The following PARP9 variants were observed in gnomAD, a reference collection of about 807,000 sequenced individuals.
PARP9 encodes protein mono-ADP-ribosyltransferase PARP9.
In PARP9, 48 loss-of-function variants were observed where a neutral mutation model predicts 68.8. That is an observed-to-expected ratio of 0.70 (90% CI 0.55 to 0.89). The LOEUF (loss-of-function observed/expected upper bound fraction) is 0.89. PARP9 is among the 40% of genes least tolerant of loss of function. The probability of loss-of-function intolerance (pLI) is 0.00; values close to 1 mark genes in which losing one functional copy is unlikely to be tolerated. For synonymous variants in PARP9, 309 were observed against 333.8 expected, an observed-to-expected ratio of 0.93 and a Z score of 0.81; for missense variants, 806 against 969.3, an observed-to-expected ratio of 0.83 and a Z score of 2.24.
chr3:122,533,817 G>T, intron 10 of PARP9: 1 of 985,422 alleles, frequency 1.0e-6, no homozygotes, highest in Non-Finnish European at 1.2e-6. Context: ...ATAAAGGTTT[G>T]TTAACAGAAG....
chr3:122,550,887 T>G (rs552258326), intron 5 of PARP9, 85 bp from the exon 6 acceptor site: 1 of 1,230,152 alleles, frequency 8.1e-7, no homozygotes, highest in Non-Finnish European at 1.2e-6. Context: ...TATTTTACAA[T>G]GTCCACCTTC....
At chr3:122,547,190 G>A (rs1391719894) in intron 6 of PARP9, among the ~76,000 whole-genome samples, 1 of 147,726 alleles carries the variant, frequency 6.8e-6, no homozygotes, top group Non-Finnish European at 1.5e-5. Context: ...CGTCTCCCTG[G>A]TTCAAGTGAT....
rs1329366724 is a variant in PARP9, at chr3:122,528,608, C to G, written c.2216G>C (p.Gly739Ala). The G allele has an allele frequency of 6.2e-7, 1 of 1,614,130 alleles. No homozygotes were observed. Among genetic ancestry groups the G allele is most frequent in the Non-Finnish European group, 8.5e-7 (1 of 1,180,022 alleles). The change falls in exon 11 of 11, where the codon GGA (glycine) becomes GCA (alanine). Residue 739 changes from glycine (G) to alanine (A), a missense_variant. Physicochemically the swap from Gly to Ala is moderately conservative, Grantham distance 60. Around this residue, in one of 2 missense-constraint regions of PARP9, gnomAD observed 680 missense variants for 858.8 expected, o/e 0.79. Transcript: ENST00000682323. ...AEVLTGFFCQ[G>A]HPLNIVPPPL... ...TGGGGGAACAATATTTAACGGATGT[C>G]CCTGGCAGAAGAAGCCTGTGAGTAC... is the stretch of plus-strand genomic sequence containing the variant.
In PARP9 at chr3:122,536,228, A is replaced by ATGGGACT; in HGVS notation, c.2013_2019dup (p.Tyr674SerfsTer51). 6.2e-7 allele frequency: 1 copy of ATGGGACT among 1,614,190 alleles called. No individual in the cohort carries two copies. Among genetic ancestry groups the ATGGGACT allele is most frequent in the Non-Finnish European group, 8.5e-7 (1 of 1,180,018 alleles). ...CTGCATACCACATTGCAGAACTGGT[A>ATGGGACT]TGGGACTTGCTGAAACAGCCTATGG... On this transcript the variant is annotated frameshift_variant, in exon 10 of 11. Transcript: ENST00000682323. LOFTEE classifies it high-confidence loss of function.
In PARP9 at chr3:122,536,139, AG is replaced by A. The variant is rs768288134; in HGVS notation, c.2080+28del. ...GTCAGCTCACCAAATTCCACAGAGT[AG>A]CCCCAATGATGAGGCATTGACACCT... On this transcript the variant is annotated intron_variant, in intron 10 of 10. Transcript: ENST00000682323. 24 of 1,614,178 alleles carry A rather than the reference AG, an allele frequency of 1.5e-5. No individual in the cohort carries two copies. In the South Asian group the frequency reaches 2.1e-4, roughly 14 times the overall value.
Position 122,540,575 on chromosome 3 carries a change from G to A in PARP9, c.1662C>T (p.Ala554=), listed in dbSNP as rs369627504. 1.2e-5 allele frequency: 20 copies of A among 1,613,942 alleles called. No homozygotes were observed. Among genetic ancestry groups the A allele is most frequent in the Non-Finnish European group, 1.6e-5 (19 of 1,180,020 alleles). ...PGRTELEIEG[A]RADLIEVVMN... is the part of the protein sequence containing the mutation. ...TAACCACCTCAATGAGGTCAGCCCG[G>A]GCTCCTTCAATCTCTAACTCTGTCC... Residue 554 remains alanine, a synonymous_variant, in exon 8 of 11, where the codon GCC becomes GCT. Transcript: ENST00000682323.
At chr3:122,550,347 G>C (rs1293554530) in intron 6 of PARP9, among the ~76,000 whole-genome samples, 1 of 152,208 alleles carries the variant, frequency 6.6e-6, no homozygotes, top group South Asian at 2.1e-4. Flanking sequence ...CCAGAGTGCT[G>C]GGATTACAGG....
In PARP9 at chr3:122,537,162, A is replaced by G. The variant is rs1353249082; in HGVS notation, c.1766-89T>C. ...GAAACAAATTCTAGAAATTTAGAGG[A>G]AGGGATTAGCCAGTTTAAATTGTGT... is the stretch of plus-strand genomic sequence containing the variant. On this transcript the variant is annotated intron_variant, in intron 8 of 10. Coordinates refer to ENST00000682323, the MANE Select transcript of PARP9 (RefSeq NM_001146105.2). The G allele has an allele frequency of 1.0e-5, 14 of 1,369,244 alleles. No individual in the cohort carries two copies. In the Admixed American group the frequency reaches 2.8e-4, roughly 28 times the overall value. 84.8% of individuals were successfully genotyped at this position (1,369,244 alleles called of 1,614,324 possible). A position where few individuals can be genotyped will look rare whatever the true frequency, so the allele number is the denominator to read the frequency against.
chr3:122,546,968 C>CTATATATATATA (rs57337681), intron 6 of PARP9, among the ~76,000 whole-genome samples: 15 of 70,146 alleles, frequency 2.1e-4, no homozygotes, highest in South Asian at 1.9e-3. Context: ...ATACATGGCA[C>CTATATATATATA]TATATATATA....
At chr3:122,544,853 T>C (rs932353254) in intron 7 of PARP9, among the ~76,000 whole-genome samples, 9 of 152,078 alleles carry the variant, frequency 5.9e-5, no homozygotes, top group African/African-American at 2.2e-4. Context: ...AAAGAAAATA[T>C]GCTCGGCATC....
intron 3 of PARP9, 35 bp downstream of exon 3, chr3:122,558,398 CT>C (rs752022616): frequency 6.2e-7 from 1 of 1,614,146 alleles, no homozygotes; most frequent in African/African-American, 1.3e-5. Flanking sequence ...TGAGCAAAGA[CT>C]TTCTGAAACA....
rs372271357 is a variant in PARP9 at position 122,550,843 on chromosome 3, G to A, written c.1108-41C>T. The A allele has an allele frequency of 6.8e-5, 104 of 1,536,328 alleles. No individual in the cohort carries two copies. The African/African-American group carries it at 1.4e-3, about 20-fold the overall frequency. On this transcript the variant is annotated intron_variant, in intron 5 of 10. Transcript: ENST00000682323. ...AATTTAAGATCAGCATTTGAGTCAA[G>A]AACAAGACTCCACTTACCCCTTGAT...
chr3:122,562,717 T>C (rs1320244262), intron 1 of PARP9, among the ~76,000 whole-genome samples: 1 of 152,234 alleles, frequency 6.6e-6, no homozygotes, highest in Non-Finnish European at 1.5e-5. Context: ...GCATCTTATT[T>C]TTCCCACATA....
chr3:122,537,017 A>G lies in PARP9; in HGVS notation c.1822T>C (p.Phe608Leu), dbSNP rs748928499. 6.2e-7 allele frequency: 1 copy of G among 1,613,694 alleles called. No individual in the cohort carries two copies. Among genetic ancestry groups the G allele is most frequent in the South Asian group, 1.1e-5 (1 of 91,024 alleles). ...TQDEMKENIIFLKCPVPPTQE... is the reference protein window; with the variant it reads ...TQDEMKENIILLKCPVPPTQE... Reference sequence around the variant, plus strand: ...GTTGGAGGCACAGGACATTTCAGAAATATGATATTTTCTTTCATTTCGTCT... The same window carrying G: ...GTTGGAGGCACAGGACATTTCAGAAGTATGATATTTTCTTTCATTTCGTCT... Residue 608 changes from phenylalanine (F) to leucine (L), a missense_variant, in exon 9 of 11, where the codon TTT becomes CTT. Transcript: ENST00000682323.
chr3:122,563,037 G>T (rs983638066), intron 1 of PARP9, among the ~76,000 whole-genome samples: 1 of 152,086 alleles, frequency 6.6e-6, no homozygotes, highest in Admixed American at 6.6e-5. Flanking sequence ...GTAAAGACGG[G>T]CCCATTTCCA....
intron 3 of PARP9, among the ~76,000 whole-genome samples, chr3:122,557,722 A>G (rs2079823315): frequency 1.3e-5 from 2 of 152,062 alleles, no homozygotes; most frequent in African/African-American, 4.8e-5. Context: ...TTCACAGTGA[A>G]TTTTTTGCAC....
intron 7 of PARP9, among the ~76,000 whole-genome samples, chr3:122,545,136 T>C (rs2078599598): frequency 6.6e-6 from 1 of 152,206 alleles, no homozygotes; most frequent in South Asian, 2.1e-4. Flanking sequence ...TGCCAGTTTA[T>C]GGAAGCCAGA....
rs1005340841 is a variant in PARP9 at position 122,529,066 on chromosome 3, G to A, written c.2081-323C>T. On this transcript the variant is annotated intron_variant, in intron 10 of 10. Coordinates refer to ENST00000682323, the MANE Select transcript of PARP9 (RefSeq NM_001146105.2). Reference sequence around the variant, plus strand: ...AGCCTGGCCAACATGATGATACCCCGTCTCTACTAAAAATACAAAAATTTA... The same window carrying A: ...AGCCTGGCCAACATGATGATACCCCATCTCTACTAAAAATACAAAAATTTA... Among the ~76,000 whole-genome samples the A allele has an allele frequency of 2.6e-5, 4 of 151,640 alleles. No individual in the cohort carries two copies. In the East Asian group the frequency reaches 7.8e-4, roughly 29 times the overall value.
chr3:122,548,336 A>G (rs2078925120), intron 6 of PARP9, among the ~76,000 whole-genome samples: 1 of 152,204 alleles, frequency 6.6e-6, no homozygotes. Flanking sequence ...GCAGTCAGAG[A>G]ACTAATGTTT....
Sources: allele counts gnomAD v4.1 joint callset (sites outside exome capture counted in the v4.1 genomes callset), GRCh38; gene constraint gnomAD v4.1.1; regional missense constraint gnomAD v4.1.1; transcripts MANE v1.5; gene names NCBI Gene and HGNC (gene_info 2026-07-23, HGNC 2026-07-21).